Variants in MICAL2 observed in about 807,000 individuals in gnomAD.
MICAL2 encodes the protein [F-actin]-monooxygenase MICAL2.
A neutral mutation model predicts 127.3 loss-of-function variants in MICAL2; 77 were observed. The ratio of observed to expected loss-of-function variants is 0.60; its 90% CI spans 0.50 to 0.73. MICAL2 has a LOEUF of 0.73. MICAL2 is among the 30% of genes least tolerant of loss of function. MICAL2 has a pLI of 0.00. For missense variants in MICAL2, 1,351 were observed against 1,434.4 expected (o/e 0.94, Z 0.94); for synonymous variants, 570 against 551.1 (o/e 1.03, Z -0.48).
At chr11:12,213,137 C>T in intron 6 of MICAL2, 118 bp from the exon 7 acceptor site, 1 of 1,223,690 alleles carries the variant, frequency 8.2e-7, no homozygotes, top group East Asian at 2.4e-5. Flanking sequence ...CACTAGAGAT[C>T]CAGAATCCTG....
chr11:12,167,228 A>C (rs1855614228), intron 3 of MICAL2, among the ~76,000 whole-genome samples: 1 of 140,220 alleles, frequency 7.1e-6, no homozygotes, highest in South Asian at 2.3e-4. Flanking sequence ...TGACTCATGG[A>C]CTCTTGTCAC....
chr11:12,259,720 T>C, intron 25 of MICAL2, 75 bp from the exon 26 acceptor site: 1 of 1,338,892 alleles, frequency 7.5e-7, no homozygotes, highest in Non-Finnish European at 1.0e-6. Context: ...TCAGTTTGTA[T>C]TGGCTGTTGG....
At chr11:12,111,118 G>T (rs1849571241) in intron 1 of MICAL2, among the ~76,000 whole-genome samples, 1 of 152,194 alleles carries the variant, frequency 6.6e-6, no homozygotes, top group African/African-American at 2.4e-5. Context: ...AACTTCCCAG[G>T]ATTGGGGCTC....
chr11:12,156,955 G>T (rs990411520), intron 2 of MICAL2, among the ~76,000 whole-genome samples: 10 of 152,266 alleles, frequency 6.6e-5, no homozygotes, highest in Admixed American at 1.3e-4. Context: ...GTGACGTAGA[G>T]CTGGGAGAGG....
intron 31 of MICAL2, among the ~76,000 whole-genome samples, chr11:12,326,671 G>A (rs919163531): frequency 6.6e-6 from 1 of 152,220 alleles, no homozygotes; most frequent in Non-Finnish European, 1.5e-5. Flanking sequence ...ATCTAAAACA[G>A]GAGCACGAAA....
chr11:12,257,446 A>G (rs1363812925), intron 24 of MICAL2, among the ~76,000 whole-genome samples: 1 of 152,218 alleles, frequency 6.6e-6, no homozygotes, highest in African/African-American at 2.4e-5. Flanking sequence ...AAAGACATCA[A>G]TGGAGGAATC....
chr11:12,134,457 C>T (rs1387695915), intron 1 of MICAL2, among the ~76,000 whole-genome samples: 2 of 152,188 alleles, frequency 1.3e-5, no homozygotes, highest in South Asian at 2.1e-4. Flanking sequence ...CTGTTGGTTT[C>T]GGTAACTTCT....
At chr11:12,295,174 C>CT (rs1863970477), downstream of MICAL2, among the ~76,000 whole-genome samples, 2 of 149,048 alleles carry the variant, frequency 1.3e-5, no homozygotes, top group Admixed American at 6.7e-5. Flanking sequence ...GAGTCTCACT[C>CT]TATCACCCAG....
intron 3 of MICAL2, among the ~76,000 whole-genome samples, chr11:12,187,275 G>A (rs1195964650): frequency 6.6e-6 from 1 of 152,186 alleles, no homozygotes; most frequent in African/African-American, 2.4e-5. Flanking sequence ...TTCATTAAAT[G>A]GTTTCATAGT....
At position 12,242,719 on chromosome 11, in the gene MICAL2, A is replaced by C; in HGVS notation, c.2605A>C (p.Lys869Gln). Reference sequence around the variant, plus strand: ...CAGGGAATTTCACACAAAGAACATTAAGGAGAAGGCGGCTCACCTTGCCTC... The same window carrying C: ...CAGGGAATTTCACACAAAGAACATTCAGGAGAAGGCGGCTCACCTTGCCTC... The part of the protein sequence containing the change: ...ANREFHTKNI[K>Q]EKAAHLASMF... Residue 869 changes from lysine to glutamine, a missense_variant, in exon 20 of 28, where the codon AAG becomes CAG. Physicochemically the swap from Lys to Gln is moderately conservative, Grantham distance 53. This residue lies in a region of MICAL2 where 752 missense variants were observed against 719.4 expected (regional missense o/e 1.05). Coordinates refer to ENST00000683283, the MANE Select transcript of MICAL2 (RefSeq NM_001282663.2). 1 of 1,612,686 alleles carries C rather than the reference A, an allele frequency of 6.2e-7. No individual in the cohort carries two copies. The highest frequency in any genetic ancestry group is 1.3e-5 in the African/African-American group (1 of 74,956).
chr11:12,219,448 A>G (rs1004362905), intron 8 of MICAL2, among the ~76,000 whole-genome samples: 6 of 145,822 alleles, frequency 4.1e-5, no homozygotes. Context: ...GAATTGCTTG[A>G]ACCTGGGAGG....
chr11:12,261,911 T>G (rs1590701306), intron 26 of MICAL2: 1 of 986,170 alleles, frequency 1.0e-6, no homozygotes, highest in East Asian at 1.1e-4. Flanking sequence ...AAGTAAATTT[T>G]TGAGGTCATG....
intron 1 of MICAL2, among the ~76,000 whole-genome samples, chr11:12,120,118 C>A (rs1038143636): frequency 4.6e-5 from 7 of 152,162 alleles, no homozygotes; most frequent in Non-Finnish European, 1.0e-4. Flanking sequence ...GGTCTCAGTC[C>A]CAAGATCTTT....
At chr11:12,326,177 G>T (rs1864351463) in intron 31 of MICAL2, among the ~76,000 whole-genome samples, 1 of 152,144 alleles carries the variant, frequency 6.6e-6, no homozygotes, top group African/African-American at 2.4e-5. Flanking sequence ...GGTTAAGGAA[G>T]AAGGGGAGTG....
chr11:12,199,550 C>G (rs1173603328), intron 3 of MICAL2, among the ~76,000 whole-genome samples: 1 of 152,188 alleles, frequency 6.6e-6, no homozygotes, highest in Non-Finnish European at 1.5e-5. Context: ...GGGACTGAAT[C>G]TCTTATGCAT....
At chr11:12,270,779 G>A (rs1310373955) in intron 24 of MICAL2, among the ~76,000 whole-genome samples, 4 of 152,240 alleles carry the variant, frequency 2.6e-5, no homozygotes, top group Non-Finnish European at 2.9e-5. Flanking sequence ...TTGGTCAAGT[G>A]TGATAACTCC....
At chr11:12,271,460 G>A (rs76327532), upstream of MICAL2, among the ~76,000 whole-genome samples, 1,515 of 152,292 alleles carry the variant, frequency 9.9e-3, 23 homozygotes, top group African/African-American at 0.032. Context: ...CCCAGCAGCC[G>A]GAGGCCCAGC....
chr11:12,305,598 A>G (rs1774845735), intron 29 of MICAL2, among the ~76,000 whole-genome samples: 1 of 152,206 alleles, frequency 6.6e-6, no homozygotes, highest in Non-Finnish European at 1.5e-5. Flanking sequence ...ATAACAATAT[A>G]CTGTAATAAA....
intron 24 of MICAL2, among the ~76,000 whole-genome samples, chr11:12,269,362 A>C (rs1443973424): frequency 6.6e-6 from 1 of 152,256 alleles, no homozygotes; most frequent in Admixed American, 6.5e-5. Flanking sequence ...GGCCAGACAC[A>C]GTGCCTGTAG....
Sources: allele counts gnomAD v4.1 joint callset (sites outside exome capture counted in the v4.1 genomes callset), GRCh38; gene constraint gnomAD v4.1.1; regional missense constraint gnomAD v4.1.1; transcripts MANE v1.5; gene names NCBI Gene and HGNC (gene_info 2026-07-23, HGNC 2026-07-21).